The following EXOC6B variants were observed in gnomAD, a reference collection of about 807,000 sequenced individuals.
EXOC6B encodes SEC15 homolog B.
EXOC6B carries 54 observed loss-of-function variants against 113.5 expected under a neutral mutation model. The observed-to-expected ratio is 0.48, with a 90% confidence interval of 0.38 to 0.60. The LOEUF (loss-of-function observed/expected upper bound fraction) is 0.60. EXOC6B is among the 20% of genes least tolerant of loss of function. The pLI is 0.00. For synonymous variants in EXOC6B, 357 were observed against 339.0 expected (o/e 1.05, Z -0.58); for missense variants, 797 against 977.5 (o/e 0.82, Z 2.46).
chr2:72,427,453 G>T (rs1695266435), intron 18 of EXOC6B, among the ~76,000 whole-genome samples: 1 of 152,134 alleles, frequency 6.6e-6, no homozygotes, highest in Non-Finnish European at 1.5e-5. Flanking sequence ...CCCACTCCTG[G>T]TGCCCACTCC....
intron 8 of EXOC6B, among the ~76,000 whole-genome samples, chr2:72,530,910 C>G (rs1701967304): frequency 6.6e-6 from 1 of 152,036 alleles, no homozygotes; most frequent in Non-Finnish European, 1.5e-5. Context: ...TTTCTTTGAT[C>G]AACATTTGCA....
chr2:72,639,537 G>C (rs1049280097), intron 6 of EXOC6B, among the ~76,000 whole-genome samples: 6 of 152,198 alleles, frequency 3.9e-5, no homozygotes, highest in Middle Eastern at 3.2e-3. Context: ...TGCTGCTGCT[G>C]CCATCCATGT....
At chr2:72,472,682 T>G (rs1235781342) in intron 17 of EXOC6B, among the ~76,000 whole-genome samples, 2 of 152,128 alleles carry the variant, frequency 1.3e-5, no homozygotes, top group African/African-American at 4.8e-5. Flanking sequence ...CATATTTTTC[T>G]TTTCAGTTCT....
intron 6 of EXOC6B, among the ~76,000 whole-genome samples, chr2:72,586,025 G>A (rs1248928405): frequency 6.6e-6 from 1 of 152,142 alleles, no homozygotes; most frequent in African/African-American, 2.4e-5. Flanking sequence ...AATAAATGGT[G>A]CTGGGATAAC....
At chr2:72,202,374 T>A (rs1363156239) in intron 20 of EXOC6B, among the ~76,000 whole-genome samples, 1 of 152,220 alleles carries the variant, frequency 6.6e-6, no homozygotes, top group African/African-American at 2.4e-5. Context: ...ACAGGAGTTG[T>A]TCTGACTTTT....
intron 6 of EXOC6B, among the ~76,000 whole-genome samples, chr2:72,695,982 T>G (rs1677846035): frequency 6.6e-6 from 1 of 152,092 alleles, no homozygotes; most frequent in Non-Finnish European, 1.5e-5. Context: ...GTTTCAAGGT[T>G]ATCCAAAAAC....
chr2:72,222,594 T>C (rs1182273349), intron 20 of EXOC6B, among the ~76,000 whole-genome samples: 3 of 152,168 alleles, frequency 2.0e-5, no homozygotes, highest in African/African-American at 7.2e-5. Flanking sequence ...CCTTTCTTCT[T>C]ATGATACATA....
intron 18 of EXOC6B, among the ~76,000 whole-genome samples, chr2:72,393,199 T>C (rs1402589062): frequency 1.3e-5 from 2 of 151,828 alleles, no homozygotes; most frequent in African/African-American, 4.8e-5. Flanking sequence ...GTTCAAGCAA[T>C]TCTCCTGCCT....
chr2:72,657,421 G>A (rs534851690), intron 6 of EXOC6B, among the ~76,000 whole-genome samples: 2 of 150,294 alleles, frequency 1.3e-5, no homozygotes, highest in Non-Finnish European at 3.0e-5. Context: ...AAGTAGAGAT[G>A]AGGTTTCACC....
intron 19 of EXOC6B, among the ~76,000 whole-genome samples, chr2:72,349,889 T>C (rs1253118479): frequency 1.3e-5 from 2 of 152,128 alleles, no homozygotes; most frequent in African/African-American, 4.8e-5. Context: ...GAGTCTGAAG[T>C]GGGGCAGTCT....
intron 20 of EXOC6B, among the ~76,000 whole-genome samples, chr2:72,307,904 A>C (rs1406631817): frequency 6.6e-6 from 1 of 152,206 alleles, no homozygotes; most frequent in African/African-American, 2.4e-5. Context: ...AATAACACAA[A>C]GAGTAAACTT....
At chr2:72,459,745 G>A (rs76189888) in intron 18 of EXOC6B, among the ~76,000 whole-genome samples, 3,071 of 152,066 alleles carry the variant, frequency 0.02, 120 homozygotes, top group African/African-American at 0.069. Context: ...GCTCATGGGT[G>A]GGAAGAATGA....
chr2:72,721,048 G>A (rs1432056359), intron 5 of EXOC6B, among the ~76,000 whole-genome samples: 2 of 152,054 alleles, frequency 1.3e-5, no homozygotes, highest in African/African-American at 4.8e-5. Flanking sequence ...AGATTAATAG[G>A]CCAGGCGTGG....
intron 1 of EXOC6B, among the ~76,000 whole-genome samples, chr2:72,753,402 T>A (rs1682189318): frequency 6.6e-6 from 1 of 152,066 alleles, no homozygotes; most frequent in African/African-American, 2.4e-5. Flanking sequence ...CACCTCCTCA[T>A]AACTAGTCAC....
chr2:72,667,988 C>A (rs1675517600), intron 6 of EXOC6B, among the ~76,000 whole-genome samples: 1 of 152,112 alleles, frequency 6.6e-6, no homozygotes, highest in Admixed American at 6.5e-5. Context: ...GGTCTAATAT[C>A]CAGAATCTAT....
chr2:72,413,743 G>T (rs889242437), intron 18 of EXOC6B, among the ~76,000 whole-genome samples: 3 of 151,834 alleles, frequency 2.0e-5, no homozygotes, highest in Admixed American at 6.6e-5. Flanking sequence ...GTTCCAGGTT[G>T]GTCTCGAACT....
At chr2:72,213,694 T>C (rs1680333796) in intron 20 of EXOC6B, among the ~76,000 whole-genome samples, 1 of 152,256 alleles carries the variant, frequency 6.6e-6, no homozygotes, top group Middle Eastern at 3.4e-3. Flanking sequence ...TATTAGGACA[T>C]GGGACCTTTG....
chr2:72,373,064 C>CTT (rs79852175), intron 19 of EXOC6B, among the ~76,000 whole-genome samples: 13 of 136,380 alleles, frequency 9.5e-5, no homozygotes, highest in Admixed American at 2.2e-4. Flanking sequence ...TCTCGGAAGA[C>CTT]TTTTTTTTTT....
intron 8 of EXOC6B, among the ~76,000 whole-genome samples, chr2:72,552,831 T>C (rs1428449396): frequency 6.6e-6 from 1 of 151,966 alleles, no homozygotes; most frequent in Admixed American, 6.5e-5. Context: ...CAGACATTTA[T>C]GTTTTCTTAA....
Sources: allele counts gnomAD v4.1 joint callset (sites outside exome capture counted in the v4.1 genomes callset), GRCh38; gene constraint gnomAD v4.1.1; transcripts MANE v1.5; gene names NCBI Gene and HGNC (gene_info 2026-07-23, HGNC 2026-07-21).